C9orf153: variants seen among roughly 807,000 people sequenced by gnomAD.
C9orf153 encodes the protein chromosome 9 open reading frame 153, also known as uncharacterized protein C9orf153.
Under a neutral mutation model 9.0 loss-of-function variants are expected in C9orf153, and 10 were observed. The observed-to-expected ratio is 1.11, with a 90% CI of 0.69 to 1.89. C9orf153 has a LOEUF of 1.89. C9orf153 is among the 40% of genes most tolerant of loss of function. The pLI, the probability that C9orf153 is intolerant of heterozygous loss-of-function variation, is 0.00. For missense variants in C9orf153, 108 were observed against 111.0 expected (o/e 0.97, Z 0.12); for synonymous variants, 35 against 37.3 (o/e 0.94, Z 0.23).
intron 1 of C9orf153, among the ~76,000 whole-genome samples, chr9:86,240,948 G>C (rs1824730053): frequency 6.6e-6 from 1 of 151,552 alleles, no homozygotes; most frequent in South Asian, 2.1e-4. Context: ...ACCTCATGAC[G>C]CGTCCACCTC....
intron 1 of C9orf153, among the ~76,000 whole-genome samples, chr9:86,241,143 G>A (rs998183391): frequency 6.6e-6 from 1 of 152,046 alleles, no homozygotes; most frequent in Non-Finnish European, 1.5e-5. Context: ...TCTTACTAAT[G>A]ATGGAAAGTC....
At chr9:86,222,728 G>C (rs1824234562) in intron 3 of C9orf153, among the ~76,000 whole-genome samples, 1 of 152,138 alleles carries the variant, frequency 6.6e-6, no homozygotes, top group African/African-American at 2.4e-5. Context: ...TAAAGGCATG[G>C]GTTGGAGTGT....
At chr9:86,249,946 G>T (rs1404197181) in intron 1 of C9orf153, among the ~76,000 whole-genome samples, 1 of 152,160 alleles carries the variant, frequency 6.6e-6, no homozygotes, top group African/African-American at 2.4e-5. Context: ...TACATAGGGG[G>T]AAAACCATAG....
intron 1 of C9orf153, among the ~76,000 whole-genome samples, chr9:86,236,952 A>C (rs1020606916): frequency 1.3e-4 from 19 of 151,596 alleles, no homozygotes; most frequent in Admixed American, 3.3e-4. Context: ...AAAAAAAAAA[A>C]AAAACAAAAT....
At chr9:86,241,273 T>A (rs1190541976) in intron 1 of C9orf153, among the ~76,000 whole-genome samples, 1 of 152,188 alleles carries the variant, frequency 6.6e-6, no homozygotes, top group Non-Finnish European at 1.5e-5. Flanking sequence ...TAGGCCCTTC[T>A]GCCTGGGCAC....
At chr9:86,245,574 A>T (rs1448648669) in intron 1 of C9orf153, among the ~76,000 whole-genome samples, 1 of 152,178 alleles carries the variant, frequency 6.6e-6, no homozygotes, top group African/African-American at 2.4e-5. Flanking sequence ...GTTATAGAGT[A>T]ATACTCCATT....
At chr9:86,248,144 G>GT (rs1181007374) in intron 1 of C9orf153, among the ~76,000 whole-genome samples, 6 of 151,862 alleles carry the variant, frequency 4.0e-5, no homozygotes, top group African/African-American at 1.5e-4. Context: ...GTTTGTTTTT[G>GT]TTTTTTTGAG....
At chr9:86,245,926 T>C (rs1824855335) in intron 1 of C9orf153, among the ~76,000 whole-genome samples, 1 of 152,252 alleles carries the variant, frequency 6.6e-6, no homozygotes, top group Non-Finnish European at 1.5e-5. Context: ...AGAATCCTGA[T>C]GATACTTGGG....
At chr9:86,256,531 G>A (rs533121351) in intron 1 of C9orf153, among the ~76,000 whole-genome samples, 26 of 152,284 alleles carry the variant, frequency 1.7e-4, no homozygotes, top group Admixed American at 1.2e-3. Context: ...GAGCTATTAG[G>A]AACAAAATGA....
At chr9:86,231,370 A>T (rs1256332691) in intron 1 of C9orf153, among the ~76,000 whole-genome samples, 2 of 152,206 alleles carry the variant, frequency 1.3e-5, no homozygotes, top group Non-Finnish European at 2.9e-5. Context: ...ATTGGTAGGT[A>T]AGAGAATATA....
At chr9:86,244,961 T>C (rs990494589) in intron 1 of C9orf153, among the ~76,000 whole-genome samples, 1 of 152,232 alleles carries the variant, frequency 6.6e-6, no homozygotes, top group African/African-American at 2.4e-5. Flanking sequence ...AGTTTCACTC[T>C]TGTCGCCCAG....
intron 3 of C9orf153, among the ~76,000 whole-genome samples, chr9:86,225,513 TA>T (rs1292063842): frequency 1.3e-5 from 2 of 151,508 alleles, no homozygotes; most frequent in Non-Finnish European, 2.9e-5. Flanking sequence ...GGCTGGAGTG[TA>T]GTGGCGCGAT....
chr9:86,256,056 G>A (rs911069181), intron 1 of C9orf153, among the ~76,000 whole-genome samples: 2 of 152,248 alleles, frequency 1.3e-5, no homozygotes, highest in African/African-American at 4.8e-5. Context: ...AGTCCTGGTT[G>A]TGATTCTACA....
chr9:86,244,291 C>T (rs1454646254), intron 1 of C9orf153, among the ~76,000 whole-genome samples: 1 of 152,128 alleles, frequency 6.6e-6, no homozygotes, highest in East Asian at 1.9e-4. Context: ...CCCAGCTGGT[C>T]TCCAACTCTT....
At chr9:86,225,616 G>A (rs892790233) in intron 3 of C9orf153, among the ~76,000 whole-genome samples, 7 of 151,946 alleles carry the variant, frequency 4.6e-5, no homozygotes, top group Admixed American at 6.6e-5. Flanking sequence ...CCGCCGCAAC[G>A]CCCAGCTAAT....
intron 3 of C9orf153, among the ~76,000 whole-genome samples, chr9:86,224,623 G>A (rs1017171507): frequency 1.7e-4 from 26 of 151,904 alleles, no homozygotes; most frequent in South Asian, 2.1e-4. Context: ...AACATATATT[G>A]TACTCCATAT....
chr9:86,228,031 C>T lies in C9orf153; in HGVS notation c.67-1G>A. The T allele has an allele frequency of 6.3e-7, 1 of 1,577,246 alleles. No individual in the cohort carries two copies. The highest frequency in any genetic ancestry group is 8.6e-7 in the Non-Finnish European group (1 of 1,163,582). ...CAATACATGCATATAATTCTGGAAG[C>T]TGTGGACAAAAAAAAAAGTGGTAAG... On this transcript the variant is annotated splice_acceptor_variant, in intron 2 of 3. Coordinates refer to ENST00000339137, the MANE Select transcript of C9orf153 (RefSeq NM_001276366.4). LOFTEE classifies it high-confidence loss of function.
Position 86,221,636 on chromosome 9 carries a change from T to G in C9orf153, c.*52A>C. The stretch of plus-strand genomic sequence containing the variant: ...CTACAAATCTCTTCTCAGTGTTGTA[T>G]TTTATGTCTCCGAATGAAATTGCAG... On this transcript the variant is annotated 3_prime_UTR_variant, in exon 4 of 4. Transcript: ENST00000339137. 1 of 1,542,532 alleles carries G rather than the reference T, an allele frequency of 6.5e-7. No individual in the cohort carries two copies. Among genetic ancestry groups the G allele is most frequent in the Non-Finnish European group, 8.7e-7 (1 of 1,143,496 alleles).
At chr9:86,255,951 G>A (rs527560829) in intron 1 of C9orf153, among the ~76,000 whole-genome samples, 1 of 152,118 alleles carries the variant, frequency 6.6e-6, no homozygotes, top group Non-Finnish European at 1.5e-5. Flanking sequence ...AATCTAACAC[G>A]TTTTTCAGAT....
Sources: allele counts gnomAD v4.1 joint callset (sites outside exome capture counted in the v4.1 genomes callset), GRCh38; gene constraint gnomAD v4.1.1; transcripts MANE v1.5; gene names NCBI Gene and HGNC (gene_info 2026-07-23, HGNC 2026-07-21).